AVEN: variants seen among roughly 807,000 people sequenced by gnomAD.
AVEN encodes cell death regulator Aven.
A neutral mutation model predicts 38.1 loss-of-function variants in AVEN; 41 were observed. The ratio of observed to expected loss-of-function variants is 1.08; its 90% confidence interval spans 0.84 to 1.40. The LOEUF (loss-of-function observed/expected upper bound fraction) is 1.40. Ranked by LOEUF, AVEN falls within the 40% of genes most tolerant of loss-of-function variation. The pLI is 0.00. For missense variants in AVEN, 605 were observed against 438.8 expected (o/e 1.38, Z -3.38); for synonymous variants, 206 against 171.8 (o/e 1.20, Z -1.56).
chr15:34,003,599 A>C (rs150352854), intron 1 of AVEN, among the ~76,000 whole-genome samples: 1 of 152,362 alleles, frequency 6.6e-6, no homozygotes, highest in East Asian at 1.9e-4. Flanking sequence ...TTACAAACAC[A>C]TTCCATAAAC....
chr15:33,859,752 G>T, intron 11 of AVEN: 1 of 1,594,416 alleles, frequency 6.3e-7, no homozygotes. Flanking sequence ...CAATTGTGTT[G>T]AGTATGAACA....
chr15:33,905,941 A>G (rs1007908398), intron 2 of AVEN, among the ~76,000 whole-genome samples: 1 of 152,062 alleles, frequency 6.6e-6, no homozygotes, highest in Non-Finnish European at 1.5e-5. Flanking sequence ...TGTCTTCCCT[A>G]TATTTCTAGG....
At chr15:33,885,374 C>A (rs973986841) in intron 2 of AVEN, among the ~76,000 whole-genome samples, 2 of 152,142 alleles carry the variant, frequency 1.3e-5, no homozygotes, top group East Asian at 3.8e-4. Context: ...GCCTACAGGA[C>A]ATAAAAATTC....
At chr15:34,034,184 T>C (rs1899000519) in intron 1 of AVEN, among the ~76,000 whole-genome samples, 1 of 152,190 alleles carries the variant, frequency 6.6e-6, no homozygotes, top group African/African-American at 2.4e-5. Context: ...GACTCACATC[T>C]GTAACCCCAG....
chr15:33,964,633 A>T (rs771661987), intron 2 of AVEN, among the ~76,000 whole-genome samples: 1 of 152,188 alleles, frequency 6.6e-6, no homozygotes, highest in African/African-American at 2.4e-5. Context: ...ACCACTACTT[A>T]GTTTTAAAAA....
intron 2 of AVEN, among the ~76,000 whole-genome samples, chr15:33,900,102 T>G (rs372237980): frequency 6.6e-6 from 1 of 151,974 alleles, no homozygotes; most frequent in East Asian, 1.9e-4. Flanking sequence ...ATGAATCACC[T>G]TTTTTTTCTT....
intron 1 of AVEN, among the ~76,000 whole-genome samples, chr15:34,016,042 C>T (rs1897891935): frequency 6.6e-6 from 1 of 152,098 alleles, no homozygotes; most frequent in Non-Finnish European, 1.5e-5. Flanking sequence ...TTTGGGAGGC[C>T]AAGGTGGGCG....
chr15:33,923,005 A>G (rs898640458), intron 2 of AVEN, among the ~76,000 whole-genome samples: 4 of 152,210 alleles, frequency 2.6e-5, no homozygotes, highest in Non-Finnish European at 5.9e-5. Context: ...TATACACTTA[A>G]TGAATATCAA....
intron 5 of AVEN, chr15:34,062,749 C>A (rs1303811935): frequency 6.2e-7 from 1 of 1,613,208 alleles, no homozygotes; most frequent in South Asian, 1.1e-5. Context: ...AATGCAACCA[C>A]CGTCAATGGC....
At chr15:34,042,651 C>T (rs1401150031), upstream of AVEN, among the ~76,000 whole-genome samples, 3 of 151,926 alleles carry the variant, frequency 2.0e-5, no homozygotes, top group Admixed American at 1.3e-4. Context: ...GATCCATCCG[C>T]CTCAGCCTCC....
intron 5 of AVEN, among the ~76,000 whole-genome samples, chr15:34,050,311 T>C (rs572426796): frequency 1.3e-5 from 2 of 152,322 alleles, no homozygotes; most frequent in African/African-American, 4.8e-5. Flanking sequence ...TTTGTCACCA[T>C]TGGGCCTGCC....
intron 2 of AVEN, among the ~76,000 whole-genome samples, chr15:33,957,430 T>C (rs1441788079): frequency 1.3e-5 from 2 of 152,164 alleles, no homozygotes; most frequent in East Asian, 3.8e-4. Context: ...GAAAACTATT[T>C]TGGCAGTTTC....
At chr15:33,905,629 G>C (rs1051501336) in intron 2 of AVEN, among the ~76,000 whole-genome samples, 1 of 152,112 alleles carries the variant, frequency 6.6e-6, no homozygotes. Flanking sequence ...GTTTATATCA[G>C]CCTGGGAAAC....
intron 5 of AVEN, among the ~76,000 whole-genome samples, chr15:34,055,114 C>A (rs1225942019): frequency 1.3e-5 from 2 of 150,752 alleles, no homozygotes; most frequent in Admixed American, 1.3e-4. Context: ...ATCACTTGAA[C>A]CCGGGAGGCG....
At chr15:34,056,241 C>A (rs1338297419) in intron 5 of AVEN, among the ~76,000 whole-genome samples, 2 of 152,198 alleles carry the variant, frequency 1.3e-5, no homozygotes, top group African/African-American at 4.8e-5. Context: ...ACCATTAATT[C>A]CAGTCTCTTA....
intron 2 of AVEN, among the ~76,000 whole-genome samples, chr15:33,920,331 C>A (rs969797252): frequency 2.6e-5 from 4 of 152,174 alleles, no homozygotes; most frequent in African/African-American, 9.7e-5. Context: ...ACTCATTAAA[C>A]AACTCATTTC....
intron 2 of AVEN, among the ~76,000 whole-genome samples, chr15:33,949,212 G>A (rs941073703): frequency 1.3e-5 from 2 of 151,572 alleles, no homozygotes; most frequent in African/African-American, 4.8e-5. Context: ...TTTTTTAGTA[G>A]AGACAGGATT....
intron 1 of AVEN, among the ~76,000 whole-genome samples, chr15:34,024,629 G>A (rs1242853176): frequency 6.6e-6 from 1 of 151,580 alleles, no homozygotes; most frequent in Non-Finnish European, 1.5e-5. Context: ...GAGGCGGGCG[G>A]ATCATGAGGT....
At chr15:33,895,518 G>A (rs1892199136) in intron 2 of AVEN, among the ~76,000 whole-genome samples, 1 of 151,838 alleles carries the variant, frequency 6.6e-6, no homozygotes, top group Non-Finnish European at 1.5e-5. Context: ...AAGAGATGAG[G>A]TCTCCCTATG....
Sources: allele counts gnomAD v4.1 joint callset (sites outside exome capture counted in the v4.1 genomes callset), GRCh38; gene constraint gnomAD v4.1.1; transcripts MANE v1.5; gene names NCBI Gene and HGNC (gene_info 2026-07-23, HGNC 2026-07-21).